CCDC170: variants seen among roughly 807,000 people sequenced by gnomAD.
CCDC170 encodes the protein coiled-coil domain containing 170, also known as coiled-coil domain-containing protein 170.
A neutral mutation model predicts 72.6 loss-of-function variants in CCDC170; 69 were observed. The ratio of observed to expected loss-of-function variants is 0.95; its 90% CI spans 0.78 to 1.16. The LOEUF (loss-of-function observed/expected upper bound fraction) is 1.16, where lower values mean the gene tolerates loss of function less well. CCDC170 is among the 50% of genes most tolerant of loss of function. The pLI, the probability that CCDC170 is intolerant of heterozygous loss-of-function variation, is 0.00. For missense variants in CCDC170, 852 were observed against 832.5 expected (o/e 1.02, Z -0.29); for synonymous variants, 300 against 303.9 (o/e 0.99, Z 0.13).
chr6:151,584,776 T>C (rs1438307418), intron 6 of CCDC170, among the ~76,000 whole-genome samples: 1 of 152,224 alleles, frequency 6.6e-6, no homozygotes, highest in Non-Finnish European at 1.5e-5. Context: ...CAAATCCTTT[T>C]GTTCTCCCAT....
intron 3 of CCDC170, among the ~76,000 whole-genome samples, chr6:151,543,261 C>T (rs1399805236): frequency 6.6e-6 from 1 of 152,064 alleles, no homozygotes; most frequent in Non-Finnish European, 1.5e-5. Context: ...CATAAATTTC[C>T]TTTTTCCTTG....
At position 151,494,048 on chromosome 6, in the gene CCDC170, C is replaced by A. The variant is rs147911398; in HGVS notation, c.-81C>A. 2.3e-5 allele frequency: 31 copies of A among 1,347,830 alleles called. No individual in the cohort carries two copies. The highest frequency in any genetic ancestry group is 6.1e-5 in the African/African-American group (4 of 65,338). The allele number at this position is 1,347,830 out of a possible 1,614,324, so 83.5% of individuals were successfully genotyped here. ...TTTACCCGTTGCCCGAGGAGACACC[C>A]GCGCCACCCGCCGGCTCCCGGCGCC... On this transcript the variant is annotated 5_prime_UTR_variant, in exon 1 of 11. Transcript: ENST00000239374.
chr6:151,521,497 T>C (rs1339321336), intron 1 of CCDC170, among the ~76,000 whole-genome samples: 1 of 152,118 alleles, frequency 6.6e-6, no homozygotes, highest in East Asian at 1.9e-4. Context: ...AGGGATTGGG[T>C]AAAATGAGGC....
At position 151,585,941 on chromosome 6, in the gene CCDC170, A is replaced by G. The variant is rs760628240; in HGVS notation, c.1145A>G (p.Lys382Arg). 10 of 1,614,002 alleles carry G rather than the reference A, an allele frequency of 6.2e-6. No individual in the cohort carries two copies. In the South Asian group the frequency reaches 8.8e-5, roughly 14 times the overall value. The change falls in exon 7 of 11, where the codon AAG (lysine) becomes AGG (arginine). Residue 382 changes from lysine (K) to arginine (R), a missense_variant. Lys to Arg is a conservative substitution (Grantham distance 26, BLOSUM62 2). Coordinates refer to ENST00000239374, the MANE Select transcript of CCDC170 (RefSeq NM_025059.4). ...TCTGAGCTTGTTGAACAGTTGGGAA[A>G]GGAGTCTGGGTTTCACCAGAAAGCT... ...QISELVEQLG[K>R]ESGFHQKALQ...
chr6:151,538,585 C>T (rs2115048513), intron 3 of CCDC170, among the ~76,000 whole-genome samples: 1 of 152,296 alleles, frequency 6.6e-6, no homozygotes, highest in Non-Finnish European at 1.5e-5. Context: ...TCGAAGATTT[C>T]TCTAAGTAGA....
At chr6:151,572,129 A>C (rs1334740718) in intron 5 of CCDC170, among the ~76,000 whole-genome samples, 1 of 152,178 alleles carries the variant, frequency 6.6e-6, no homozygotes, top group Non-Finnish European at 1.5e-5. Context: ...CTGGGATTAC[A>C]GGAGTGAGCC....
chr6:151,549,529 A>T (rs1782842489), intron 5 of CCDC170, among the ~76,000 whole-genome samples: 1 of 152,156 alleles, frequency 6.6e-6, no homozygotes, highest in Non-Finnish European at 1.5e-5. Context: ...CATGTTCCCC[A>T]TACCCCTCTC....
In CCDC170 at chr6:151,617,954, A is replaced by C. The variant is rs371219774; in HGVS notation, c.1955A>C (p.Asp652Ala). The stretch of plus-strand genomic sequence containing the variant: ...TTCTGTTTGATATTGCAGCTGGCAG[A>C]CTTCAGGGAGGTGGTGTCGCAGATG... ...EAEKREKQLADFREVVSQMLG... is the reference protein window; with the variant it reads ...EAEKREKQLAAFREVVSQMLG... The change falls in exon 11 of 11, where the codon GAC (aspartate) becomes GCC (alanine). Residue 652 changes from aspartate (D) to alanine (A), a missense_variant. Physicochemically the swap from Asp to Ala is moderately radical, Grantham distance 126. Transcript: ENST00000239374. 3 of 1,612,460 alleles carry C rather than the reference A, an allele frequency of 1.9e-6. No homozygotes were observed. Among genetic ancestry groups the C allele is most frequent in the Admixed American group, 1.7e-5 (1 of 59,974 alleles).
chr6:151,532,537 G>A (rs1782504762), intron 1 of CCDC170, among the ~76,000 whole-genome samples: 1 of 151,796 alleles, frequency 6.6e-6, no homozygotes, highest in Non-Finnish European at 1.5e-5. Context: ...AATCTGGGAG[G>A]TGAAAGTTGC....
At chr6:151,586,239 T>G in intron 7 of CCDC170, 150 bp downstream of exon 7, 1 of 730,418 alleles carries the variant, frequency 1.4e-6, no homozygotes, top group Middle Eastern at 2.8e-4. Flanking sequence ...GGTTTGGAGC[T>G]TCCTTGATTC....
At chr6:151,518,757 A>T (rs1782271959) in intron 1 of CCDC170, among the ~76,000 whole-genome samples, 1 of 152,222 alleles carries the variant, frequency 6.6e-6, no homozygotes, top group African/African-American at 2.4e-5. Context: ...CTGGGCCTCC[A>T]TGGGTGACAT....
Position 151,548,385 on chromosome 6 carries a change from G to C in CCDC170, c.670G>C (p.Glu224Gln), listed in dbSNP as rs777999930. The change falls in exon 5 of 11, where the codon GAA becomes CAA. Residue 224 changes from glutamate (E) to glutamine (Q), a missense_variant. Glu to Gln is a conservative substitution (Grantham distance 29). Coordinates refer to ENST00000239374, the MANE Select transcript of CCDC170 (RefSeq NM_025059.4). Reference protein sequence around the residue: ...LEETINVHEMEAKASRETIMR... With the variant: ...LEETINVHEMQAKASRETIMR... ...AGAGACTATAAATGTCCATGAGATG[G>C]AAGCAAAAGCTAGCAGAGAAACGAT... is the stretch of plus-strand genomic sequence containing the variant. 3.7e-6 allele frequency: 6 copies of C among 1,612,770 alleles called. No individual in the cohort carries two copies. The East Asian group carries it at 1.3e-4, about 36-fold the overall frequency.
rs527492425 is a variant in CCDC170 at position 151,596,395 on chromosome 6, A to T, written c.1528A>T (p.Lys510Ter). Residue 510 changes from lysine to a stop codon, truncating the protein, a stop_gained, in exon 9 of 11, where the codon AAA becomes TAA. Coordinates refer to ENST00000239374, the MANE Select transcript of CCDC170 (RefSeq NM_025059.4). LOFTEE classifies it high-confidence loss of function. Reference protein sequence around the residue: ...KELHMSLLRQKIAQLEEEKQA... With the variant: ...KELHMSLLRQ ...ATTACACATGAGCCTCCTCCGGCAG[A>T]AAATAGCCCAGCTGGAGGAGGAGAA... 4.3e-6 allele frequency: 7 copies of T among 1,614,022 alleles called. No homozygotes were observed. The African/African-American group carries it at 9.3e-5, about 22-fold the overall frequency.
chr6:151,504,853 T>C (rs1235838457), intron 1 of CCDC170, among the ~76,000 whole-genome samples: 1 of 150,346 alleles, frequency 6.7e-6, no homozygotes, highest in Non-Finnish European at 1.5e-5. Context: ...GTCCCAGTGA[T>C]GAGGAGAGAG....
intron 5 of CCDC170, among the ~76,000 whole-genome samples, chr6:151,550,900 C>A (rs1291477309): frequency 1.3e-5 from 2 of 152,184 alleles, no homozygotes; most frequent in African/African-American, 4.8e-5. Context: ...AGGCCCCACC[C>A]ACAAATACCA....
intron 9 of CCDC170, among the ~76,000 whole-genome samples, chr6:151,602,341 A>C (rs1776721811): frequency 6.6e-6 from 1 of 152,216 alleles, no homozygotes; most frequent in South Asian, 2.1e-4. Context: ...ACTACATAGA[A>C]ATTTCTTAAT....
At chr6:151,529,894 G>A (rs73783050) in intron 1 of CCDC170, among the ~76,000 whole-genome samples, 2 of 152,154 alleles carry the variant, frequency 1.3e-5, no homozygotes, top group Middle Eastern at 3.4e-3. Context: ...TGTCTGGTGA[G>A]GGTCATCCCA....
At chr6:151,510,517 C>T (rs1471027019) in intron 1 of CCDC170, among the ~76,000 whole-genome samples, 1 of 152,042 alleles carries the variant, frequency 6.6e-6, no homozygotes, top group African/African-American at 2.4e-5. Flanking sequence ...TATAATTTCC[C>T]ATAATGTACG....
At chr6:151,526,290 T>G (rs1782409884) in intron 1 of CCDC170, among the ~76,000 whole-genome samples, 1 of 151,860 alleles carries the variant, frequency 6.6e-6, no homozygotes, top group East Asian at 1.9e-4. Context: ...TGGCATGATC[T>G]TGGCTCACTG....
Sources: allele counts gnomAD v4.1 joint callset (sites outside exome capture counted in the v4.1 genomes callset), GRCh38; gene constraint gnomAD v4.1.1; transcripts MANE v1.5; gene names NCBI Gene and HGNC (gene_info 2026-07-23, HGNC 2026-07-21).